The following RREB1 variants were observed in gnomAD, a reference collection of about 807,000 sequenced individuals.
RREB1 encodes ras responsive element binding protein 1.
In RREB1, 27 loss-of-function variants were observed where a neutral mutation model predicts 117.8. The ratio of observed to expected loss-of-function variants is 0.23; its 90% CI spans 0.17 to 0.32. The LOEUF is 0.32. RREB1 is among the 10% of genes least tolerant of loss of function. RREB1 has a pLI of 1.00. For synonymous variants in RREB1, 1,298 were observed against 1,026.7 expected (o/e 1.26, Z -5.05); for missense variants, 2,577 against 2,378.2 (o/e 1.08, Z -1.74).
intron 11 of RREB1, among the ~76,000 whole-genome samples, chr6:7,246,038 T>C (rs1452592372): frequency 3.3e-5 from 5 of 152,294 alleles, no homozygotes; most frequent in Admixed American, 1.3e-4. Flanking sequence ...AAATAACTTA[T>C]AACTCAAGCT....
chr6:7,228,661 C>T (rs1767730327), intron 9 of RREB1, among the ~76,000 whole-genome samples: 1 of 151,854 alleles, frequency 6.6e-6, no homozygotes, highest in African/African-American at 2.4e-5. Flanking sequence ...TGTACCACCA[C>T]ATCTGGCTAA....
At position 7,167,897 on chromosome 6, in the gene RREB1, A is replaced by G. The variant is rs186952971; in HGVS notation, c.-284-8758A>G. ...GTGTTATCAGCTTCATTTTTCAGCTAGGAGAACTGAGGCTCAGAGTTCGGT... is the reference window on the plus strand; with the variant it reads ...GTGTTATCAGCTTCATTTTTCAGCTGGGAGAACTGAGGCTCAGAGTTCGGT... On this transcript the variant is annotated intron_variant, in intron 1 of 12. Transcript: ENST00000379938. Among the ~76,000 whole-genome samples the G allele has an allele frequency of 3.3e-5, 5 of 152,310 alleles. 1 individual carries two copies. The highest frequency in any genetic ancestry group is 2.6e-4 in the Admixed American group (4 of 15,298).
At chr6:7,187,590 A>G in intron 5 of RREB1, 67 bp downstream of exon 5, 1 of 817,692 alleles carries the variant, frequency 1.2e-6, no homozygotes, top group Non-Finnish European at 1.7e-6. Context: ...ATTTTATTTT[A>G]GTCAAGTGCA....
rs1762750710 is a variant in RREB1 at position 7,144,035 on chromosome 6, A to G, written c.-284-32620A>G. The stretch of plus-strand genomic sequence containing the variant: ...AAGTGCAAGTATTTTACTTTATTAA[A>G]GGGGGAATTGTTTTTGTGGCTTGGT... On this transcript the variant is annotated intron_variant, in intron 1 of 12. Coordinates refer to ENST00000379938, the MANE Select transcript of RREB1 (RefSeq NM_001003699.4). Among the ~76,000 whole-genome samples the G allele has an allele frequency of 3.3e-5, 5 of 151,562 alleles. No homozygotes were observed. The South Asian group carries it at 1.0e-3, about 31-fold the overall frequency.
intron 1 of RREB1, among the ~76,000 whole-genome samples, chr6:7,161,607 C>T (rs1763666664): frequency 6.6e-6 from 1 of 152,166 alleles, no homozygotes; most frequent in African/African-American, 2.4e-5. Context: ...TTTCTCAAAA[C>T]CAGCTGTTTT....
At chr6:7,243,000 G>GC (rs750133234) in intron 11 of RREB1, among the ~76,000 whole-genome samples, 18 of 152,284 alleles carry the variant, frequency 1.2e-4, no homozygotes, top group East Asian at 9.7e-4. Flanking sequence ...CTCCGATGAT[G>GC]CCCCGTCTTT....
intron 1 of RREB1, among the ~76,000 whole-genome samples, chr6:7,126,526 C>T (rs1237395407): frequency 6.6e-6 from 1 of 152,210 alleles, no homozygotes; most frequent in Non-Finnish European, 1.5e-5. Flanking sequence ...GCCTCCGCCT[C>T]CCAAAGTGCT....
chr6:7,160,122 A>C (rs924840948), intron 1 of RREB1, among the ~76,000 whole-genome samples: 1 of 146,588 alleles, frequency 6.8e-6, no homozygotes, highest in African/African-American at 2.5e-5. Flanking sequence ...TCTTTTTTGC[A>C]TTTTTTTTTT....
chr6:7,191,561 A>G (rs561357927), intron 6 of RREB1, among the ~76,000 whole-genome samples: 65 of 152,282 alleles, frequency 4.3e-4, no homozygotes, highest in Non-Finnish European at 7.9e-4. Flanking sequence ...AAAACTTTCA[A>G]TTTGGGGGTA....
chr6:7,245,637 T>C (rs551962552), intron 11 of RREB1, among the ~76,000 whole-genome samples: 5 of 152,220 alleles, frequency 3.3e-5, no homozygotes, highest in African/African-American at 1.2e-4. Context: ...AATGGACAGA[T>C]AGGAACAAAT....
In RREB1 at chr6:7,230,352, G is replaced by A. The variant is rs762302381; in HGVS notation, c.2253G>A (p.Pro751=). Residue 751 remains proline, a synonymous_variant, in exon 10 of 13, where the codon CCG becomes CCA. Transcript: ENST00000379938. ...AAELVDAFCA[P]DTVCRLCGED... The stretch of plus-strand genomic sequence containing the variant: ...AGCTGGTGGACGCCTTCTGCGCCCC[G>A]GACACCGTGTGCCGGCTGTGCGGCG... The A allele has an allele frequency of 1.9e-5, 30 of 1,591,388 alleles. No individual in the cohort carries two copies. In the South Asian group the frequency reaches 2.7e-4, roughly 14 times the overall value.
Position 7,240,453 on chromosome 6 carries a change from C to G in RREB1, c.3824C>G (p.Pro1275Arg). 6.2e-7 allele frequency: 1 copy of G among 1,613,356 alleles called. No homozygotes were observed. The highest frequency in any genetic ancestry group is 2.2e-5 in the East Asian group (1 of 44,868). ...CCTGCTTCAGGTCAGAAACCCTTCC[C>G]TTGTCAAAAATGCGATGCCTTCTTT... is the stretch of plus-strand genomic sequence containing the variant. ...MLTHTGQKPF[P>R]CQKCDAFFST... The change falls in exon 11 of 13, where the codon CCT (proline) becomes CGT (arginine). Residue 1275 changes from proline (P) to arginine (R), a missense_variant. Transcript: ENST00000379938.
At chr6:7,197,627 C>CTG (rs1439535569) in intron 6 of RREB1, among the ~76,000 whole-genome samples, 1 of 152,220 alleles carries the variant, frequency 6.6e-6, no homozygotes, top group Non-Finnish European at 1.5e-5. Context: ...GATCACGCCG[C>CTG]TGCACTCCAG....
chr6:7,234,786 T>G (rs1768219850), intron 10 of RREB1, among the ~76,000 whole-genome samples: 1 of 152,218 alleles, frequency 6.6e-6, no homozygotes, highest in Non-Finnish European at 1.5e-5. Context: ...TTTAAGGAGC[T>G]AAGTAACTTG....
chr6:7,151,980 C>T (rs959765547), intron 1 of RREB1, among the ~76,000 whole-genome samples: 3 of 152,182 alleles, frequency 2.0e-5, no homozygotes. Flanking sequence ...TTTTAGATGG[C>T]TTTCGTTTTC....
chr6:7,173,801 G>A (rs890127306), intron 1 of RREB1, among the ~76,000 whole-genome samples: 3 of 151,860 alleles, frequency 2.0e-5, no homozygotes, highest in Non-Finnish European at 2.9e-5. Context: ...AAAAGGGAAA[G>A]AAAGAAAAAA....
chr6:7,175,431 C>T (rs897157887), intron 1 of RREB1, among the ~76,000 whole-genome samples: 22 of 152,116 alleles, frequency 1.4e-4, no homozygotes, highest in African/African-American at 5.1e-4. Flanking sequence ...GCACAGGGTC[C>T]GTCCCTGTGG....
At chr6:7,168,863 C>T (rs1022156028) in intron 1 of RREB1, among the ~76,000 whole-genome samples, 1 of 151,538 alleles carries the variant, frequency 6.6e-6, no homozygotes, top group Non-Finnish European at 1.5e-5. Flanking sequence ...CCAGGCTAGA[C>T]TCCTGGCTCC....
intron 1 of RREB1, among the ~76,000 whole-genome samples, chr6:7,172,424 T>TC (rs1377086014): frequency 6.6e-6 from 1 of 152,002 alleles, no homozygotes; most frequent in Non-Finnish European, 1.5e-5. Context: ...TTCTTTTTTT[T>TC]CTGTATCAGA....
Sources: allele counts gnomAD v4.1 joint callset (sites outside exome capture counted in the v4.1 genomes callset), GRCh38; gene constraint gnomAD v4.1.1; transcripts MANE v1.5; gene names NCBI Gene and HGNC (gene_info 2026-07-23, HGNC 2026-07-21).